The following MTSS2 variants were observed in gnomAD, a reference collection of about 807,000 sequenced individuals.
MTSS2 encodes protein MTSS 2.
MTSS2 carries 27 observed loss-of-function variants against 67.1 expected under a neutral mutation model. The ratio of observed to expected loss-of-function variants is 0.40; its 90% CI spans 0.30 to 0.55. The LOEUF is 0.55. Ranked by LOEUF, MTSS2 falls within the 20% of genes least tolerant of loss-of-function variation. The probability of loss-of-function intolerance (pLI) is 0.43; values close to 1 mark genes in which losing one functional copy is unlikely to be tolerated. For synonymous variants in MTSS2, 624 were observed against 468.6 expected (o/e 1.33, Z -4.28); for missense variants, 1,171 against 1,067.8 (o/e 1.10, Z -1.35).
At chr16:70,676,838 G>A (rs1478756772) in intron 10 of MTSS2, 43 bp downstream of exon 10, 1 of 1,560,478 alleles carries the variant, frequency 6.4e-7, no homozygotes, top group Non-Finnish European at 8.8e-7. Flanking sequence ...CTTCCTCTTG[G>A]GATACCGCCC....
In MTSS2 at chr16:70,664,048, G is replaced by C. The variant is rs756094678; in HGVS notation, c.1873C>G (p.Pro625Ala). Reference sequence around the variant, plus strand: ...GCCTTGGCGAGGTCCGGTGCCAGGGGTGAGGCGGTCTCGTCGGTATAGAAG... The same window carrying C: ...GCCTTGGCGAGGTCCGGTGCCAGGGCTGAGGCGGTCTCGTCGGTATAGAAG... ...CVFYTDETASPLAPDLAKASP... is the reference protein window; with the variant it reads ...CVFYTDETASALAPDLAKASP... Residue 625 changes from proline (P) to alanine (A), a missense_variant, in exon 15 of 15, where the codon CCC (proline) becomes GCC (alanine). By Grantham distance (27) the Pro-to-Ala change is conservative. Around this residue, in one of 2 missense-constraint regions of MTSS2, gnomAD observed 924 missense variants for 756.0 expected, o/e 1.22. Coordinates refer to ENST00000338779, the MANE Select transcript of MTSS2 (RefSeq NM_138383.3). The C allele has an allele frequency of 6.2e-7, 1 of 1,610,312 alleles. No individual in the cohort carries two copies.
chr16:70,663,407 C>A lies in MTSS2; in HGVS notation c.*270G>T. The stretch of plus-strand genomic sequence containing the variant: ...GCTTATGGGTAGGGAAGAGGCAGGG[C>A]CCCAGAGGAGGAAGAGGAGGGACCG... On this transcript the variant is annotated 3_prime_UTR_variant, in exon 15 of 15. Transcript: ENST00000338779. 5.8e-6 allele frequency: 3 copies of A among 516,262 alleles called. No homozygotes were observed. Among genetic ancestry groups the A allele is most frequent in the South Asian group, 3.0e-5 (1 of 33,268 alleles). 32.0% of individuals were successfully genotyped at this position (516,262 alleles called of 1,614,324 possible).
At chr16:70,678,001 C>T in intron 8 of MTSS2, 102 bp from the exon 9 acceptor site, 1 of 1,073,194 alleles carries the variant, frequency 9.3e-7, no homozygotes, top group Admixed American at 2.2e-5. Flanking sequence ...TCTCCTCTCT[C>T]ACCCCTCCTC....
At chr16:70,683,666 C>G (rs2053368516) in intron 1 of MTSS2, among the ~76,000 whole-genome samples, 1 of 152,218 alleles carries the variant, frequency 6.6e-6, no homozygotes, top group Admixed American at 6.5e-5. Flanking sequence ...AGCCCAAGGT[C>G]AGGGCCTCCC....
intron 11 of MTSS2, among the ~76,000 whole-genome samples, chr16:70,669,013 A>ACACCACACACT (rs1392381404): frequency 6.6e-6 from 1 of 152,158 alleles, no homozygotes; most frequent in Non-Finnish European, 1.5e-5. Context: ...CACCACACAC[A>ACACCACACACT]CACCACACAC....
At chr16:70,682,699 A>G (rs1381787723) in intron 1 of MTSS2, among the ~76,000 whole-genome samples, 1 of 143,624 alleles carries the variant, frequency 7.0e-6, no homozygotes, top group Non-Finnish European at 1.5e-5. Flanking sequence ...CAAAGAGCTT[A>G]TGTCTTATTT....
rs117757055 is a variant in MTSS2, at chr16:70,664,589, C to T, written c.1471+9G>A. 0.018 allele frequency: 28,859 copies of T among 1,610,340 alleles called. 1,407 individuals carry two copies. In the East Asian group the frequency reaches 0.18, roughly 10 times the overall value. Reference sequence around the variant, plus strand: ...TGTCCCTGGTCCCACCCCAGCCCCGCGGGCCTGCCTTGGGAGGGGATGGTG... The same window carrying T: ...TGTCCCTGGTCCCACCCCAGCCCCGTGGGCCTGCCTTGGGAGGGGATGGTG... On this transcript the variant is annotated intron_variant, in intron 14 of 14. Transcript: ENST00000338779.
At chr16:70,679,454 T>C in intron 6 of MTSS2, 131 bp from the exon 7 acceptor site, 1 of 1,293,398 alleles carries the variant, frequency 7.7e-7, no homozygotes, top group Admixed American at 2.0e-5. Context: ...AGGGAGGTTC[T>C]GGACCAGGTT....
intron 3 of MTSS2, 124 bp downstream of exon 3, chr16:70,680,670 G>C (rs1036415886): frequency 1.2e-6 from 1 of 821,650 alleles, no homozygotes; most frequent in Non-Finnish European, 2.0e-6. Flanking sequence ...ACTCCACTAA[G>C]GAGCAGAACT....
At chr16:70,681,141 C>A in intron 1 of MTSS2, 116 bp from the exon 2 acceptor site, 1 of 953,316 alleles carries the variant, frequency 1.0e-6, no homozygotes, top group South Asian at 1.7e-5. Flanking sequence ...AGACAGCAGC[C>A]CTGCCCCATG....
intron 6 of MTSS2, 150 bp from the exon 7 acceptor site, chr16:70,679,473 A>G (rs2053227418): frequency 8.1e-7 from 1 of 1,232,186 alleles, no homozygotes; most frequent in Non-Finnish European, 1.1e-6. Flanking sequence ...TTTGGGGGGA[A>G]GGGCAGCTCC....
intron 10 of MTSS2, 141 bp downstream of exon 10, chr16:70,676,740 C>A: frequency 1.4e-6 from 1 of 691,718 alleles, no homozygotes. Flanking sequence ...TTTCCCTCTA[C>A]ATATGCAAAT....
At chr16:70,673,357 G>A (rs1044740080) in intron 11 of MTSS2, among the ~76,000 whole-genome samples, 1 of 152,194 alleles carries the variant, frequency 6.6e-6, no homozygotes, top group South Asian at 2.1e-4. Flanking sequence ...ATCAGTGACT[G>A]ACAGCTGACC....
chr16:70,672,046 G>A (rs758223749), intron 11 of MTSS2, among the ~76,000 whole-genome samples: 8 of 152,184 alleles, frequency 5.3e-5, no homozygotes, highest in East Asian at 1.9e-4. Context: ...ACACCAACAC[G>A]AAACACTATG....
Position 70,664,434 on chromosome 16 carries a change from C to T in MTSS2, c.1487G>A (p.Cys496Tyr), listed in dbSNP as rs1296434287. The change falls in exon 15 of 15, where the codon TGC becomes TAC. Residue 496 changes from cysteine to tyrosine, a missense_variant. By Grantham distance (194) the Cys-to-Tyr change is radical. Coordinates refer to ENST00000338779, the MANE Select transcript of MTSS2 (RefSeq NM_138383.3). ...GTCCGCATCCCCATTCACGGAGTAG[C>T]AGTCGTAGTCGGAGCCTGGGGGCAC... is the stretch of plus-strand genomic sequence containing the variant. ...TIPSQGSDYD[C>Y]YSVNGDADSE... 1 of 1,536,632 alleles carries T rather than the reference C, an allele frequency of 6.5e-7. No individual in the cohort carries two copies. The highest frequency in any genetic ancestry group is 8.7e-7 in the Non-Finnish European group (1 of 1,143,550).
At chr16:70,677,711 T>TC in intron 9 of MTSS2, 81 bp downstream of exon 9, 1 of 1,097,752 alleles carries the variant, frequency 9.1e-7, no homozygotes, top group East Asian at 2.6e-5. Flanking sequence ...CATCCTCTTT[T>TC]CCCCTTTACT....
Position 70,664,362 on chromosome 16 carries a change from T to C in MTSS2, c.1559A>G (p.Asn520Ser). The change falls in exon 15 of 15, where the codon AAC becomes AGC. Residue 520 changes from asparagine to serine, a missense_variant. Transcript: ENST00000338779. ...EFDKSSTIPR[N>S]SNIAQNYRRL... The stretch of plus-strand genomic sequence containing the variant: ...GCGGTAGTTCTGGGCGATGTTGCTG[T>C]TGCGCGGGATGGTGGATGACTTGTC... The C allele has an allele frequency of 6.3e-7, 1 of 1,591,526 alleles. No homozygotes were observed. The highest frequency in any genetic ancestry group is 8.5e-7 in the Non-Finnish European group (1 of 1,171,570).
intron 11 of MTSS2, among the ~76,000 whole-genome samples, chr16:70,670,852 C>T (rs2052907231): frequency 1.3e-5 from 2 of 151,678 alleles, no homozygotes; most frequent in Admixed American, 6.6e-5. Flanking sequence ...CACTCGTAGT[C>T]CCAGCTAATT....
rs746165581 is a variant in MTSS2, at chr16:70,664,106, C to T, written c.1815G>A (p.Met605Ile). Residue 605 changes from methionine (M) to isoleucine (I), a missense_variant, in exon 15 of 15, where the codon ATG becomes ATA. By Grantham distance (10) the Met-to-Ile change is conservative. Transcript: ENST00000338779. ...CCTCACTGCCCGCCCGTGTGGGCCCCATGTAGCCGGGGGAGTCAGGCACCG... is the reference window on the plus strand; with the variant it reads ...CCTCACTGCCCGCCCGTGTGGGCCCTATGTAGCCGGGGGAGTCAGGCACCG... ...TPTVPDSPGY[M>I]GPTRAGSEEC... is the part of the protein sequence containing the mutation. 2 of 1,611,868 alleles carry T rather than the reference C, an allele frequency of 1.2e-6. No individual in the cohort carries two copies. Among genetic ancestry groups the T allele is most frequent in the East Asian group, 2.2e-5 (1 of 44,830 alleles).
Sources: allele counts gnomAD v4.1 joint callset (sites outside exome capture counted in the v4.1 genomes callset), GRCh38; gene constraint gnomAD v4.1.1; regional missense constraint gnomAD v4.1.1; transcripts MANE v1.5; gene names NCBI Gene and HGNC (gene_info 2026-07-23, HGNC 2026-07-21).